Variants in TMBIM6 observed in about 807,000 individuals in gnomAD.
TMBIM6 encodes bax inhibitor 1.
In TMBIM6, 13 loss-of-function variants were observed where a neutral mutation model predicts 31.4. The observed-to-expected ratio is 0.41, with a 90% CI of 0.27 to 0.66. TMBIM6 has a LOEUF of 0.66. TMBIM6 is among the 30% of genes least tolerant of loss of function. The pLI is 0.28. For synonymous variants in TMBIM6, 85 were observed against 101.7 expected (o/e 0.84, Z 0.99); for missense variants, 275 against 289.5 (o/e 0.95, Z 0.36).
At chr12:49,747,115 G>A (rs769094873) in intron 1 of TMBIM6, among the ~76,000 whole-genome samples, 3 of 152,068 alleles carry the variant, frequency 2.0e-5, no homozygotes, top group Non-Finnish European at 4.4e-5. Context: ...TGGGATTACA[G>A]GCATGAGCCA....
chr12:49,762,843 A>G, intron 9 of TMBIM6, 30 bp from the exon 10 acceptor site: 1 of 1,610,850 alleles, frequency 6.2e-7, no homozygotes, highest in Middle Eastern at 1.7e-4. Context: ...ATGTCAAAAA[A>G]TTAATTGGGT....
intron 1 of TMBIM6, among the ~76,000 whole-genome samples, chr12:49,744,133 G>T (rs1292544174): frequency 6.6e-6 from 1 of 152,098 alleles, no homozygotes; most frequent in East Asian, 1.9e-4. Flanking sequence ...CCCTTTCCTT[G>T]TGGGTTGATG....
At chr12:49,742,229 T>TC (rs772610097) in intron 1 of TMBIM6, 8 of 1,613,196 alleles carry the variant, frequency 5.0e-6, no homozygotes, top group South Asian at 2.2e-5. Flanking sequence ...GGGGCTGCCT[T>TC]CCAGGCCCAC....
In TMBIM6 at chr12:49,743,245, T is replaced by G. The variant is rs182981117; in HGVS notation, c.-31+1634T>G. Among the ~76,000 whole-genome samples the G allele has an allele frequency of 3.9e-4, 48 of 123,316 alleles. No homozygotes were observed. The Middle Eastern group carries it at 0.013, about 32-fold the overall frequency. The allele number at this position is 123,316 out of a possible 152,430, so 80.9% of individuals were successfully genotyped here. On this transcript the variant is annotated intron_variant, in intron 1 of 9. Transcript: ENST00000267115. ...TTATTTATTTATTATTATTATTATG[T>G]TTTTTTTTTGAGACAGTCTCACTCC...
intron 8 of TMBIM6, 46 bp from the exon 9 acceptor site, chr12:49,761,658 T>TA (rs767243144): frequency 2.5e-6 from 4 of 1,592,072 alleles, no homozygotes; most frequent in Non-Finnish European, 3.4e-6. Context: ...GGCTTGTGGA[T>TA]AAAAAAGTCT....
At chr12:49,742,415 C>T (rs1469779346) in intron 1 of TMBIM6, 5 of 1,240,216 alleles carry the variant, frequency 4.0e-6, no homozygotes, top group Non-Finnish European at 5.4e-6. Context: ...GCTTTGGTAT[C>T]TTTGTATATT....
At position 49,758,432 on chromosome 12, in the gene TMBIM6, A is replaced by G. The variant is rs1164647123; in HGVS notation, c.385A>G (p.Thr129Ala). ...CACGGCAATGATCTTTACCTGCTTC[A>G]CCCTCAGTGCACTCTATGCCAGGCG... ...MGTAMIFTCF[T>A]LSALYARRRS... Residue 129 changes from threonine (T) to alanine (A), a missense_variant, in exon 6 of 10, where the codon ACC (threonine) becomes GCC (alanine). Physicochemically the swap from Thr to Ala is moderately conservative, Grantham distance 58. Transcript: ENST00000267115. 1 of 1,614,042 alleles carries G rather than the reference A, an allele frequency of 6.2e-7. No individual in the cohort carries two copies. The highest frequency in any genetic ancestry group is 8.5e-7 in the Non-Finnish European group (1 of 1,180,002).
chr12:49,762,780 C>T (rs1189068557), intron 9 of TMBIM6, 93 bp from the exon 10 acceptor site: 2 of 1,144,846 alleles, frequency 1.7e-6, no homozygotes, highest in Non-Finnish European at 2.6e-6. Context: ...TTGTCTGGCT[C>T]ACTTCTAGTC....
chr12:49,743,664 T>A (rs1945340513), intron 1 of TMBIM6: 1 of 152,238 alleles, frequency 6.6e-6, no homozygotes, highest in African/African-American at 2.4e-5. Flanking sequence ...CAGAAAAATG[T>A]CATAGGAATC....
Position 49,753,103 on chromosome 12 carries a change from G to A in TMBIM6, c.165+22G>A, listed in dbSNP as rs557161627. On this transcript the variant is annotated intron_variant, in intron 3 of 9. Coordinates refer to ENST00000267115, the MANE Select transcript of TMBIM6 (RefSeq NM_003217.3). ...TCAGGTAAGAACGATTTTCTCTCCT[G>A]GTTGCTGTGGTACAAATTACATTAG... 8 of 1,599,822 alleles carry A rather than the reference G, an allele frequency of 5.0e-6. No homozygotes were observed. The African/African-American group carries it at 1.1e-4, about 21-fold the overall frequency.
intron 1 of TMBIM6, chr12:49,742,373 G>A (rs1210518333): frequency 1.4e-5 from 20 of 1,463,550 alleles, no homozygotes; most frequent in Non-Finnish European, 1.8e-5. Flanking sequence ...TTTTATCTTG[G>A]GCCTACTTGC....
intron 1 of TMBIM6, chr12:49,744,443 G>A (rs1217705121): frequency 6.6e-6 from 1 of 152,130 alleles, no homozygotes; most frequent in Middle Eastern, 3.4e-3. Flanking sequence ...GCAGCCCTTC[G>A]TAGTTTTTAT....
At chr12:49,753,404 A>C (rs1456878447) in intron 3 of TMBIM6, among the ~76,000 whole-genome samples, 1 of 152,146 alleles carries the variant, frequency 6.6e-6, no homozygotes. Context: ...CTTTTCCTCC[A>C]TTCTTCCTTT....
intron 3 of TMBIM6, among the ~76,000 whole-genome samples, chr12:49,754,812 A>G (rs1407616749): frequency 6.6e-6 from 1 of 152,252 alleles, no homozygotes; most frequent in Non-Finnish European, 1.5e-5. Flanking sequence ...GAAAATTCAG[A>G]AAACAGACTA....
intron 1 of TMBIM6, among the ~76,000 whole-genome samples, chr12:49,746,682 C>G (rs1317312621): frequency 6.6e-6 from 1 of 152,062 alleles, no homozygotes; most frequent in Non-Finnish European, 1.5e-5. Flanking sequence ...GCAGTCTTAA[C>G]CACTATGCAG....
intron 3 of TMBIM6, among the ~76,000 whole-genome samples, chr12:49,754,725 T>C (rs1354785705): frequency 6.6e-6 from 1 of 152,250 alleles, no homozygotes; most frequent in Non-Finnish European, 1.5e-5. Flanking sequence ...TTCTAATGCC[T>C]ATAGTTTTTC....
At chr12:49,746,532 C>G (rs373835902) in intron 1 of TMBIM6, among the ~76,000 whole-genome samples, 23 of 152,274 alleles carry the variant, frequency 1.5e-4, no homozygotes, top group African/African-American at 5.3e-4. Context: ...CTCACCTAAT[C>G]TGCAACCTTA....
chr12:49,745,379 CTT>C (rs1310556110), intron 1 of TMBIM6, among the ~76,000 whole-genome samples: 2 of 152,116 alleles, frequency 1.3e-5, no homozygotes, highest in African/African-American at 4.8e-5. Context: ...GATGATTGGA[CTT>C]AATGATTTTT....
intron 9 of TMBIM6, among the ~76,000 whole-genome samples, chr12:49,762,611 G>A (rs1009303698): frequency 3.3e-5 from 5 of 152,126 alleles, no homozygotes; most frequent in African/African-American, 9.7e-5. Context: ...AGCCTAGAGT[G>A]GTCAGGCAGC....
Sources: gnomAD v4.1 joint callset for allele counts (sites outside exome capture counted in the v4.1 genomes callset) on GRCh38, gnomAD v4.1.1 for gene constraint, MANE v1.5 for transcripts, NCBI Gene and HGNC (gene_info 2026-07-23, HGNC 2026-07-21) for gene names.